The following GNG12 variants were observed in gnomAD, a reference collection of about 807,000 sequenced individuals.
The protein encoded by GNG12 is G protein subunit gamma 12, also known as guanine nucleotide-binding protein G(I)/G(S)/G(O) subunit gamma-12.
For synonymous variants in GNG12, 28 were observed against 29.7 expected, an observed-to-expected ratio of 0.94 and a Z score of 0.19; for missense variants, 69 against 83.8, an observed-to-expected ratio of 0.82 and a Z score of 0.69.
intron 1 of GNG12, among the ~76,000 whole-genome samples, chr1:67,825,812 A>G (rs1323732004): frequency 6.6e-6 from 1 of 152,142 alleles, no homozygotes; most frequent in Non-Finnish European, 1.5e-5. Context: ...CCAACTACAC[A>G]ACGGGTGCTG....
rs1361448790 is a variant in GNG12 at position 67,794,256 on chromosome 1, A to C, written c.-76-16749T>G. 6.6e-5 allele frequency among the ~76,000 whole-genome samples: 10 copies of C among 152,184 alleles called. 1 individual carries two copies. The highest frequency in any genetic ancestry group is 1.3e-4 in the Non-Finnish European group (9 of 68,032). ...TGCTAGCAGAACCTGGGCTTGTTGG[A>C]ATAGAGACCCTGTGAGCTCAGGAGA... On this transcript the variant is annotated intron_variant, in intron 1 of 3. Transcript: ENST00000370982.
intron 2 of GNG12, among the ~76,000 whole-genome samples, chr1:67,738,689 C>T (rs1319902373): frequency 6.6e-6 from 1 of 152,158 alleles, no homozygotes; most frequent in Non-Finnish European, 1.5e-5. Context: ...CATGCCTGGG[C>T]AACATACACA....
At chr1:67,723,204 A>T (rs1275461526) in intron 2 of GNG12, among the ~76,000 whole-genome samples, 1 of 152,252 alleles carries the variant, frequency 6.6e-6, no homozygotes, top group East Asian at 1.9e-4. Context: ...GTGACAGCCC[A>T]GAAATGGCTG....
rs491936 is a variant in GNG12 at position 67,740,616 on chromosome 1, G to A, written c.-26-32904C>T. 9.6e-3 allele frequency among the ~76,000 whole-genome samples: 1,466 copies of A among 152,232 alleles called. 27 individuals carry two copies. The highest frequency in any genetic ancestry group is 0.034 in the African/African-American group (1,410 of 41,524). Reference sequence around the variant, plus strand: ...AATTTACTACATATATAATTGCTACGGTTTAAATGTTTGTGTCTCCCCAAA... The same window carrying A: ...AATTTACTACATATATAATTGCTACAGTTTAAATGTTTGTGTCTCCCCAAA... On this transcript the variant is annotated intron_variant, in intron 2 of 3. Coordinates refer to ENST00000370982, the MANE Select transcript of GNG12 (RefSeq NM_018841.6).
chr1:67,796,160 T>C (rs1350958978), intron 1 of GNG12, among the ~76,000 whole-genome samples: 2 of 152,228 alleles, frequency 1.3e-5, no homozygotes, highest in Non-Finnish European at 2.9e-5. Flanking sequence ...CATCCATTTA[T>C]TTGGCAGGCT....
At chr1:67,739,007 C>T (rs1361242148) in intron 2 of GNG12, among the ~76,000 whole-genome samples, 3 of 152,054 alleles carry the variant, frequency 2.0e-5, no homozygotes. Context: ...GGTAAAACTC[C>T]ATCATGACTA....
At position 67,789,944 on chromosome 1, in the gene GNG12, TTTAGTC is replaced by T. The variant is rs533660635; in HGVS notation, c.-76-12443_-76-12438del. ...TTGGGGCTTTGACTCCGCAGAATAG[TTTAGTC>T]TTAAACTCTAGCTACCAAAATATGG... On this transcript the variant is annotated intron_variant, in intron 1 of 3. Coordinates refer to ENST00000370982, the MANE Select transcript of GNG12 (RefSeq NM_018841.6). Among the ~76,000 whole-genome samples, 20 of 152,280 alleles carry T rather than the reference TTTAGTC, an allele frequency of 1.3e-4. No individual in the cohort carries two copies. The South Asian group carries it at 4.2e-3, about 32-fold the overall frequency.
intron 1 of GNG12, among the ~76,000 whole-genome samples, chr1:67,806,422 AT>A (rs1646894679): frequency 6.6e-6 from 1 of 152,014 alleles, no homozygotes; most frequent in Non-Finnish European, 1.5e-5. Context: ...AATATTTAAT[AT>A]TTACGGGATG....
At chr1:67,824,676 G>T (rs1055391560) in intron 1 of GNG12, among the ~76,000 whole-genome samples, 3 of 152,156 alleles carry the variant, frequency 2.0e-5, no homozygotes, top group African/African-American at 7.2e-5. Flanking sequence ...AATTTTCCCA[G>T]AAGTGTGAAG....
intron 2 of GNG12, among the ~76,000 whole-genome samples, chr1:67,745,851 C>T (rs1294121400): frequency 6.6e-6 from 1 of 152,204 alleles, no homozygotes; most frequent in Non-Finnish European, 1.5e-5. Context: ...CTCCATCCCC[C>T]TAGAAGCTAA....
At chr1:67,758,853 G>A (rs761295451) in intron 2 of GNG12, among the ~76,000 whole-genome samples, 1 of 152,162 alleles carries the variant, frequency 6.6e-6, no homozygotes, top group Non-Finnish European at 1.5e-5. Context: ...CCTCATGGAG[G>A]TAGAGACTAG....
At chr1:67,712,234 T>A (rs596302) in intron 2 of GNG12, among the ~76,000 whole-genome samples, 1,927 of 152,370 alleles carry the variant, frequency 0.013, 44 homozygotes, top group African/African-American at 0.044. Flanking sequence ...GCTTGCTTTA[T>A]TCTTACACCA....
chr1:67,817,034 A>G (rs973147892), intron 1 of GNG12, among the ~76,000 whole-genome samples: 1 of 152,250 alleles, frequency 6.6e-6, no homozygotes, highest in African/African-American at 2.4e-5. Context: ...TGAATCTTCT[A>G]TGCATGGGAC....
chr1:67,732,062 A>T (rs1324235128), intron 2 of GNG12, among the ~76,000 whole-genome samples: 1 of 152,246 alleles, frequency 6.6e-6, no homozygotes, highest in Non-Finnish European at 1.5e-5. Flanking sequence ...AAAAACACAC[A>T]GGAGTAATAT....
intron 2 of GNG12, among the ~76,000 whole-genome samples, chr1:67,725,880 A>G (rs1395573666): frequency 1.3e-5 from 2 of 152,266 alleles, no homozygotes; most frequent in East Asian, 1.9e-4. Context: ...AAATAGGTAC[A>G]GAACTTTTAA....
chr1:67,776,946 T>C lies in GNG12; in HGVS notation c.-27+512A>G, dbSNP rs190888011. On this transcript the variant is annotated intron_variant, in intron 2 of 3. Transcript: ENST00000370982. ...TTCTCACTTTTAAAAAGTACATTAT[T>C]TTCCTAGCTCTTAAGGAAGTTTTCT... Among the ~76,000 whole-genome samples the C allele has an allele frequency of 7.6e-4, 116 of 152,334 alleles. No homozygotes were observed. In the Middle Eastern group the frequency reaches 0.027, roughly 36 times the overall value.
intron 1 of GNG12, among the ~76,000 whole-genome samples, chr1:67,829,825 C>T (rs1048148785): frequency 1.3e-5 from 2 of 152,166 alleles, no homozygotes; most frequent in Non-Finnish European, 2.9e-5. Flanking sequence ...ACACTGTACC[C>T]TTTATAGTTA....
chr1:67,736,164 G>A (rs1646451130), intron 2 of GNG12, among the ~76,000 whole-genome samples: 1 of 152,042 alleles, frequency 6.6e-6, no homozygotes, highest in Non-Finnish European at 1.5e-5. Flanking sequence ...AACTGTGGGA[G>A]AAGAACTAGG....
At chr1:67,729,897 ATCC>A (rs985049305) in intron 2 of GNG12, among the ~76,000 whole-genome samples, 53 of 152,336 alleles carry the variant, frequency 3.5e-4, no homozygotes, top group African/African-American at 1.2e-3. Context: ...TAATGATATT[ATCC>A]TCCTCAAAAA....
Sources: allele counts gnomAD v4.1 joint callset (sites outside exome capture counted in the v4.1 genomes callset), GRCh38; gene constraint gnomAD v4.1.1; transcripts MANE v1.5; gene names NCBI Gene and HGNC (gene_info 2026-07-23, HGNC 2026-07-21).